OXR1: variants seen among roughly 807,000 people sequenced by gnomAD.
OXR1 encodes the protein oxidation resistance 1, also known as oxidation resistance protein 1.
A neutral mutation model predicts 104.6 loss-of-function variants in OXR1; 41 were observed. The ratio of observed to expected loss-of-function variants is 0.39; its 90% CI spans 0.31 to 0.51. OXR1 has a LOEUF of 0.51. Ranked by LOEUF, OXR1 falls within the 20% of genes least tolerant of loss-of-function variation. The pLI is 0.77. For synonymous variants in OXR1, 348 were observed against 348.4 expected, an observed-to-expected ratio of 1.00 and a Z score of 0.01; for missense variants, 955 against 1,031.9, an observed-to-expected ratio of 0.93 and a Z score of 1.02.
chr8:106,463,573 A>G (rs770205255), intron 2 of OXR1, among the ~76,000 whole-genome samples: 4 of 152,246 alleles, frequency 2.6e-5, no homozygotes, highest in Non-Finnish European at 5.9e-5. Context: ...ATGAGAATAC[A>G]TGATGGAAGG....
At chr8:106,510,475 C>T (rs375028285) in intron 2 of OXR1, among the ~76,000 whole-genome samples, 1 of 151,964 alleles carries the variant, frequency 6.6e-6, no homozygotes, top group Admixed American at 6.5e-5. Flanking sequence ...ATTTAGATGT[C>T]CTTTTCATTA....
chr8:106,511,833 A>C (rs1812552750), intron 2 of OXR1, among the ~76,000 whole-genome samples: 1 of 152,204 alleles, frequency 6.6e-6, no homozygotes, highest in East Asian at 1.9e-4. Context: ...CCTTTGGTTC[A>C]AAATGCCCTG....
At chr8:106,697,118 A>T (rs918018002) in intron 7 of OXR1, among the ~76,000 whole-genome samples, 2 of 152,160 alleles carry the variant, frequency 1.3e-5, no homozygotes, top group African/African-American at 4.8e-5. Context: ...GCCAGGGGGA[A>T]AAAGGAGAGA....
At chr8:106,607,018 A>G (rs1306332765) in intron 3 of OXR1, among the ~76,000 whole-genome samples, 1 of 151,990 alleles carries the variant, frequency 6.6e-6, no homozygotes, top group African/African-American at 2.4e-5. Context: ...CTTCATTTCA[A>G]CACCTTTCAC....
At chr8:106,405,811 T>C (rs768318422) in intron 2 of OXR1, among the ~76,000 whole-genome samples, 2 of 152,018 alleles carry the variant, frequency 1.3e-5, no homozygotes, top group Non-Finnish European at 2.9e-5. Flanking sequence ...ACCACCAAGA[T>C]GAGTTCAGCC....
At chr8:106,588,254 C>A (rs985209439) in intron 3 of OXR1, among the ~76,000 whole-genome samples, 1 of 151,844 alleles carries the variant, frequency 6.6e-6, no homozygotes, top group Non-Finnish European at 1.5e-5. Context: ...CCACCGCATC[C>A]GGCCAACAAT....
intron 3 of OXR1, among the ~76,000 whole-genome samples, chr8:106,661,419 A>G (rs571138802): frequency 6.6e-6 from 1 of 152,338 alleles, no homozygotes; most frequent in East Asian, 1.9e-4. Context: ...CTAGTTAATA[A>G]CAATTACAAA....
intron 1 of OXR1, among the ~76,000 whole-genome samples, chr8:106,346,258 G>A (rs1815476406): frequency 1.3e-5 from 2 of 152,164 alleles, no homozygotes; most frequent in Non-Finnish European, 2.9e-5. Context: ...CCAAAGATAG[G>A]TTAGCATAAC....
intron 2 of OXR1, among the ~76,000 whole-genome samples, chr8:106,494,214 T>C (rs1339967740): frequency 2.0e-5 from 3 of 152,172 alleles, no homozygotes; most frequent in East Asian, 3.9e-4. Context: ...TACAGGCTTT[T>C]TCTTGCCAGA....
chr8:106,345,168 C>A (rs145099672), intron 1 of OXR1, among the ~76,000 whole-genome samples: 36 of 152,314 alleles, frequency 2.4e-4, no homozygotes, highest in Non-Finnish European at 2.4e-4. Flanking sequence ...TGACACACAG[C>A]AGGTGCTCAA....
chr8:106,628,179 G>C (rs1822335189), intron 3 of OXR1, among the ~76,000 whole-genome samples: 1 of 152,118 alleles, frequency 6.6e-6, no homozygotes, highest in South Asian at 2.1e-4. Context: ...AGAACCTCCT[G>C]TTTTCTGTGT....
At chr8:106,747,036 A>G (rs971324924) in intron 16 of OXR1, among the ~76,000 whole-genome samples, 7 of 152,184 alleles carry the variant, frequency 4.6e-5, no homozygotes, top group African/African-American at 1.7e-4. Flanking sequence ...ATAAGTTTTC[A>G]GTGTTTAAAG....
intron 3 of OXR1, among the ~76,000 whole-genome samples, chr8:106,572,758 C>T (rs1817562529): frequency 6.6e-6 from 1 of 152,164 alleles, no homozygotes; most frequent in African/African-American, 2.4e-5. Flanking sequence ...TACATTCCTG[C>T]TATGCATCTC....
chr8:106,702,183 C>A (rs28921407), intron 7 of OXR1, among the ~76,000 whole-genome samples: 2,459 of 152,214 alleles, frequency 0.016, 36 homozygotes, highest in Admixed American at 0.047. Context: ...TGGCCAGGAA[C>A]TCCTGGCCTC....
chr8:106,382,011 C>T (rs1228382283), intron 2 of OXR1, among the ~76,000 whole-genome samples: 1 of 152,088 alleles, frequency 6.6e-6, no homozygotes, highest in Non-Finnish European at 1.5e-5. Flanking sequence ...AGATGATATT[C>T]CTTTTGTTTC....
At chr8:106,626,044 T>TTGTGTGTGTGTGTG (rs59554916) in intron 3 of OXR1, among the ~76,000 whole-genome samples, 67 of 148,412 alleles carry the variant, frequency 4.5e-4, no homozygotes, top group Admixed American at 8.1e-4. Context: ...GTTCTGCGTT[T>TTGTGTGTGTGTGTG]TGTGTGTGTG....
intron 8 of OXR1, among the ~76,000 whole-genome samples, chr8:106,705,910 C>T (rs1282322032): frequency 6.6e-6 from 1 of 151,556 alleles, no homozygotes; most frequent in Non-Finnish European, 1.5e-5. Context: ...TTAATTTAAG[C>T]TCTATTTGAA....
At chr8:106,733,800 T>A (rs1157186340) in intron 11 of OXR1, among the ~76,000 whole-genome samples, 1 of 133,184 alleles carries the variant, frequency 7.5e-6, no homozygotes, top group Non-Finnish European at 1.5e-5. Flanking sequence ...CACTCCAGCC[T>A]GAGTGACAGA....
intron 2 of OXR1, chr8:106,447,940 C>A: frequency 3.3e-6 from 5 of 1,533,972 alleles, no homozygotes; most frequent in Non-Finnish European, 4.4e-6. Context: ...ACATCTAGTA[C>A]GGGGCTCACA....
Sources: gnomAD v4.1 joint callset for allele counts (sites outside exome capture counted in the v4.1 genomes callset) on GRCh38, gnomAD v4.1.1 for gene constraint, MANE v1.5 for transcripts, NCBI Gene and HGNC (gene_info 2026-07-23, HGNC 2026-07-21) for gene names.